Variants in PDE4D observed in about 807,000 individuals in gnomAD.
The protein encoded by PDE4D is phosphodiesterase 4D.
A neutral mutation model predicts 87.4 loss-of-function variants in PDE4D; 24 were observed. The observed-to-expected ratio is 0.27, with a 90% confidence interval of 0.20 to 0.39. PDE4D has a LOEUF of 0.39. Among genes scored for constraint, PDE4D ranks in the 10% least tolerant of loss-of-function variants. The pLI is 1.00. For missense variants in PDE4D, 714 were observed against 1,041.0 expected (o/e 0.69, Z 4.32); for synonymous variants, 384 against 383.2 (o/e 1.00, Z -0.02).
intron 2 of PDE4D, among the ~76,000 whole-genome samples, chr5:60,047,762 G>T (rs1470553502): frequency 6.6e-6 from 1 of 152,114 alleles, no homozygotes; most frequent in African/African-American, 2.4e-5. Flanking sequence ...TTTTACATTT[G>T]CTGAGGAGAG....
At position 60,137,333 on chromosome 5, in the gene PDE4D, G is replaced by A. The variant is rs539341983; in HGVS notation, c.42+48224C>T. Reference sequence around the variant, plus strand: ...ATATACCCAGTAATGGGACTTCTGGGTTAAATGATATTTCTGCCTCTAGGT... The same window carrying A: ...ATATACCCAGTAATGGGACTTCTGGATTAAATGATATTTCTGCCTCTAGGT... On this transcript the variant is annotated intron_variant, in intron 2 of 16. Coordinates refer to the PDE4D transcript ENST00000502484. 3.9e-5 allele frequency among the ~76,000 whole-genome samples: 6 copies of A among 152,300 alleles called. No individual in the cohort carries two copies. The East Asian group carries it at 1.2e-3, about 29-fold the overall frequency.
At chr5:59,330,190 CAA>C (rs1349468214) in intron 1 of PDE4D, among the ~76,000 whole-genome samples, 1 of 152,124 alleles carries the variant, frequency 6.6e-6, no homozygotes, top group Non-Finnish European at 1.5e-5. Flanking sequence ...ATTTCAGTAA[CAA>C]GAGTTAAAAG....
chr5:60,220,660 G>A (rs1413623284), intron 1 of PDE4D, among the ~76,000 whole-genome samples: 1 of 152,066 alleles, frequency 6.6e-6, no homozygotes, highest in East Asian at 1.9e-4. Context: ...GCCATGCCAT[G>A]AACATTGCAG....
intron 1 of PDE4D, among the ~76,000 whole-genome samples, chr5:60,411,999 T>C (rs1322973977): frequency 6.6e-6 from 1 of 152,176 alleles, no homozygotes; most frequent in Non-Finnish European, 1.5e-5. Context: ...ACTAACTTAA[T>C]AAAACAGTAC....
At chr5:59,058,376 T>C (rs1435794517) in intron 5 of PDE4D, among the ~76,000 whole-genome samples, 5 of 152,144 alleles carry the variant, frequency 3.3e-5, no homozygotes, top group Non-Finnish European at 7.4e-5. Flanking sequence ...CAGTGTCCTA[T>C]AGAGCCTTTC....
intron 11 of PDE4D, among the ~76,000 whole-genome samples, chr5:58,981,663 G>T (rs1480530858): frequency 6.6e-6 from 1 of 152,048 alleles, no homozygotes; most frequent in African/African-American, 2.4e-5. Flanking sequence ...GCTGGTATTT[G>T]TAATTACCTT....
chr5:59,017,397 T>C (rs1754240822), intron 6 of PDE4D, among the ~76,000 whole-genome samples: 2 of 152,094 alleles, frequency 1.3e-5, no homozygotes, highest in Admixed American at 1.3e-4. Flanking sequence ...TTGGTGCCAT[T>C]TGCAAGATGG....
chr5:59,151,555 A>G (rs1431832187), intron 5 of PDE4D, among the ~76,000 whole-genome samples: 1 of 152,096 alleles, frequency 6.6e-6, no homozygotes, highest in Non-Finnish European at 1.5e-5. Context: ...CAATAACCTA[A>G]TTTGTGAGCT....
chr5:58,973,015 G>A lies in PDE4D; in HGVS notation c.*1649C>T, dbSNP rs530824932. 5 of 152,208 alleles carry A rather than the reference G, an allele frequency of 3.3e-5. No homozygotes were observed. The highest frequency in any genetic ancestry group is 6.5e-5 in the Admixed American group (1 of 15,294). 9.4% of individuals were successfully genotyped at this position (152,208 alleles called of 1,614,324 possible). On this transcript the variant is annotated 3_prime_UTR_variant, in exon 15 of 15. Transcript: ENST00000340635. ...TATGGATCGAGGATAAGTGATAAAG[G>A]ACTTCCTACACGTTATGTGGCTGTC...
At position 58,974,152 on chromosome 5, in the gene PDE4D, A is replaced by C. The variant is rs1743154067; in HGVS notation, c.*512T>G. 1 of 152,848 alleles carries C rather than the reference A, an allele frequency of 6.5e-6. No individual in the cohort carries two copies. 9.5% of individuals were successfully genotyped at this position (152,848 alleles called of 1,614,324 possible). On this transcript the variant is annotated 3_prime_UTR_variant, in exon 15 of 15. Transcript: ENST00000340635. Reference sequence around the variant, plus strand: ...GCTCACTGAACCACACTATTCAGTCATGTATCAGGAAGACTTGAAATTAGA... The same window carrying C: ...GCTCACTGAACCACACTATTCAGTCCTGTATCAGGAAGACTTGAAATTAGA...
chr5:60,132,805 C>T (rs916533177), intron 2 of PDE4D, among the ~76,000 whole-genome samples: 10 of 151,742 alleles, frequency 6.6e-5, no homozygotes, highest in Non-Finnish European at 8.8e-5. Context: ...TGCAGTGAGC[C>T]GAGATCGCAC....
intron 1 of PDE4D, among the ~76,000 whole-genome samples, chr5:59,835,294 C>CTCA (rs1047790936): frequency 1.3e-4 from 20 of 152,044 alleles, no homozygotes; most frequent in Admixed American, 5.9e-4. Flanking sequence ...TCCAGGTAGA[C>CTCA]TCATCTTCTT....
chr5:60,017,932 A>G (rs112446471), intron 2 of PDE4D, among the ~76,000 whole-genome samples: 36,203 of 152,058 alleles, frequency 0.24, 5,273 homozygotes, highest in Admixed American at 0.35. Context: ...AAGCGTTCCT[A>G]TTTCTCCACA....
At chr5:59,523,586 G>C (rs558261543) in intron 1 of PDE4D, among the ~76,000 whole-genome samples, 14 of 151,894 alleles carry the variant, frequency 9.2e-5, no homozygotes, top group Non-Finnish European at 1.9e-4. Context: ...ACAGAAAGTA[G>C]AAAAAAAAGC....
At chr5:60,371,427 T>C (rs1371601811) in intron 1 of PDE4D, among the ~76,000 whole-genome samples, 1 of 152,190 alleles carries the variant, frequency 6.6e-6, no homozygotes, top group Non-Finnish European at 1.5e-5. Context: ...GGAGATGCAT[T>C]AAACAACTCA....
chr5:59,383,704 C>G (rs1157247230), intron 1 of PDE4D, among the ~76,000 whole-genome samples: 1 of 151,938 alleles, frequency 6.6e-6, no homozygotes, highest in African/African-American at 2.4e-5. Context: ...CAATAATACA[C>G]ATATGAAAAA....
intron 1 of PDE4D, among the ~76,000 whole-genome samples, chr5:59,436,265 C>T (rs1399827112): frequency 6.6e-6 from 1 of 152,098 alleles, no homozygotes; most frequent in East Asian, 1.9e-4. Flanking sequence ...TCATGAAGGT[C>T]ATCACAGTGT....
chr5:60,214,869 G>T (rs1048633456), intron 1 of PDE4D, among the ~76,000 whole-genome samples: 1 of 152,130 alleles, frequency 6.6e-6, no homozygotes, highest in African/African-American at 2.4e-5. Flanking sequence ...AAGTCCTTGA[G>T]CCACTCAATA....
At chr5:59,461,846 G>A (rs574551529) in intron 1 of PDE4D, among the ~76,000 whole-genome samples, 8 of 152,234 alleles carry the variant, frequency 5.3e-5, no homozygotes, top group Admixed American at 5.2e-4. Context: ...GCTCTCAGTA[G>A]AAAGGGACTC....
Sources: allele counts gnomAD v4.1 joint callset (sites outside exome capture counted in the v4.1 genomes callset), GRCh38; gene constraint gnomAD v4.1.1; transcripts MANE v1.5; gene names NCBI Gene and HGNC (gene_info 2026-07-23, HGNC 2026-07-21).